Variants in PTPRD observed in about 807,000 individuals in gnomAD.
PTPRD encodes the protein receptor-type tyrosine-protein phosphatase delta.
A neutral mutation model predicts 214.5 loss-of-function variants in PTPRD; 34 were observed. The observed-to-expected ratio is 0.16, with a 90% CI of 0.12 to 0.21. The LOEUF is 0.21. PTPRD is among the 10% of genes least tolerant of loss of function. The pLI is 1.00. For missense variants in PTPRD, 2,545 were observed against 2,398.7 expected, an observed-to-expected ratio of 1.06 and a Z score of -1.27; for synonymous variants, 1,128 against 845.7, an observed-to-expected ratio of 1.33 and a Z score of -5.79.
At chr9:8,785,447 A>G (rs2095905094) in intron 11 of PTPRD, among the ~76,000 whole-genome samples, 1 of 152,188 alleles carries the variant, frequency 6.6e-6, no homozygotes, top group African/African-American at 2.4e-5. Flanking sequence ...AAACCACAAT[A>G]CAAAATCCTG....
chr9:10,000,428 G>C (rs935899516), intron 4 of PTPRD, among the ~76,000 whole-genome samples: 1 of 152,034 alleles, frequency 6.6e-6, no homozygotes, highest in African/African-American at 2.4e-5. Flanking sequence ...ACATGGACAA[G>C]CCATTCTTCC....
chr9:9,538,642 G>A (rs924906473), intron 8 of PTPRD, among the ~76,000 whole-genome samples: 1 of 151,924 alleles, frequency 6.6e-6, no homozygotes, highest in Non-Finnish European at 1.5e-5. Flanking sequence ...AGAATGCATA[G>A]TGATGTATGA....
chr9:9,932,056 C>G (rs1250608003), intron 5 of PTPRD, among the ~76,000 whole-genome samples: 2 of 150,814 alleles, frequency 1.3e-5, no homozygotes, highest in African/African-American at 4.9e-5. Context: ...GAAAGGACAT[C>G]CACACCAAAA....
chr9:9,622,759 T>C (rs2095288671), intron 7 of PTPRD, among the ~76,000 whole-genome samples: 1 of 152,230 alleles, frequency 6.6e-6, no homozygotes, highest in African/African-American at 2.4e-5. Flanking sequence ...AACAATGGCA[T>C]ACATTTTGCA....
chr9:9,721,232 T>G (rs1248290036), intron 7 of PTPRD, among the ~76,000 whole-genome samples: 3 of 152,152 alleles, frequency 2.0e-5, no homozygotes, highest in Non-Finnish European at 2.9e-5. Flanking sequence ...TCAAGACATC[T>G]CAGATTTTAT....
At chr9:8,320,740 T>G (rs551861062) in intron 44 of PTPRD, among the ~76,000 whole-genome samples, 32 of 152,258 alleles carry the variant, frequency 2.1e-4, no homozygotes, top group African/African-American at 7.5e-4. Flanking sequence ...TAGAAAGGTT[T>G]TGAGTTTCTC....
At chr9:9,779,632 A>G (rs1267911660) in intron 5 of PTPRD, among the ~76,000 whole-genome samples, 2 of 152,212 alleles carry the variant, frequency 1.3e-5, no homozygotes, top group Admixed American at 1.3e-4. Flanking sequence ...CATCAGAAAA[A>G]TGCCAATCAA....
intron 9 of PTPRD, among the ~76,000 whole-genome samples, chr9:9,381,595 T>C (rs2062264661): frequency 6.6e-6 from 1 of 152,082 alleles, no homozygotes; most frequent in East Asian, 1.9e-4. Context: ...CTCAGCAACC[T>C]ACCCACCTCG....
At chr9:8,925,217 T>C (rs1441868053) in intron 11 of PTPRD, among the ~76,000 whole-genome samples, 1 of 152,132 alleles carries the variant, frequency 6.6e-6, no homozygotes, top group Non-Finnish European at 1.5e-5. Flanking sequence ...GACTCCAGCC[T>C]GAGCATTTTT....
chr9:8,528,421 C>T (rs1243151011), intron 15 of PTPRD, 170 bp downstream of exon 15: 2 of 676,118 alleles, frequency 3.0e-6, no homozygotes, highest in African/African-American at 1.8e-5. Flanking sequence ...GACTCTGAAA[C>T]AGGCTATGAC....
chr9:9,554,587 G>T (rs974390874), intron 8 of PTPRD, among the ~76,000 whole-genome samples: 1 of 151,862 alleles, frequency 6.6e-6, no homozygotes, highest in African/African-American at 2.4e-5. Flanking sequence ...CACTCCTCTG[G>T]CACCTGAAGA....
intron 10 of PTPRD, among the ~76,000 whole-genome samples, chr9:9,095,843 A>T (rs188284531): frequency 9.7e-4 from 148 of 152,318 alleles, no homozygotes; most frequent in Non-Finnish European, 1.5e-4. Flanking sequence ...CAAGATATGG[A>T]AACAACCTGT....
intron 9 of PTPRD, among the ~76,000 whole-genome samples, chr9:9,292,249 T>A (rs527285795): frequency 6.6e-6 from 1 of 151,338 alleles, no homozygotes; most frequent in Admixed American, 6.6e-5. Context: ...CCAAGTTAAC[T>A]GAAGCATAAC....
At position 10,254,218 on chromosome 9, in the gene PTPRD, A is replaced by G. The variant is rs4741023; in HGVS notation, c.-545+86745T>C. Among the ~76,000 whole-genome samples, 507 of 152,326 alleles carry G rather than the reference A, an allele frequency of 3.3e-3. 8 individuals carry two copies. Among genetic ancestry groups the G allele is most frequent in the East Asian group, 0.032 (164 of 5,182 alleles). ...GATATTTATTGTAAGTTGGCAAATCATCTGTGGGTGCATGCATATAAAAGT... is the reference window on the plus strand; with the variant it reads ...GATATTTATTGTAAGTTGGCAAATCGTCTGTGGGTGCATGCATATAAAAGT... On this transcript the variant is annotated intron_variant, in intron 3 of 45. Transcript: ENST00000381196.
intron 35 of PTPRD, among the ~76,000 whole-genome samples, chr9:8,417,940 G>A (rs534804881): frequency 6.6e-6 from 1 of 152,240 alleles, no homozygotes; most frequent in East Asian, 1.9e-4. Flanking sequence ...GGGGTGATTT[G>A]TTTTTGAATG....
intron 2 of PTPRD, among the ~76,000 whole-genome samples, chr9:10,391,015 C>A (rs1392840243): frequency 6.6e-6 from 1 of 151,802 alleles, no homozygotes; most frequent in Non-Finnish European, 1.5e-5. Flanking sequence ...GAGGAGAACA[C>A]TCACCATGGG....
At chr9:9,325,067 A>C (rs1021528034) in intron 9 of PTPRD, among the ~76,000 whole-genome samples, 10 of 152,054 alleles carry the variant, frequency 6.6e-5, no homozygotes, top group African/African-American at 2.2e-4. Flanking sequence ...GTTTTGGTAC[A>C]AGTACCACGC....
chr9:9,661,331 AAACT>A lies in PTPRD; in HGVS notation c.-287+73198_-287+73201del, dbSNP rs199840542. Among the ~76,000 whole-genome samples the A allele has an allele frequency of 2.8e-3, 424 of 152,090 alleles. 6 individuals carry two copies. Among genetic ancestry groups the A allele is most frequent in the Admixed American group, 0.022 (330 of 15,242 alleles). ...TAACAATCAGTGCTTCAGATGAATT[AAACT>A]AACTGTATATTTTTTTAAATTGCTA... On this transcript the variant is annotated intron_variant, in intron 7 of 45. Coordinates refer to ENST00000381196, the MANE Select transcript of PTPRD (RefSeq NM_002839.4).
intron 3 of PTPRD, among the ~76,000 whole-genome samples, chr9:10,231,389 GA>G (rs543990296): frequency 6.6e-6 from 1 of 151,840 alleles, no homozygotes; most frequent in South Asian, 2.1e-4. Context: ...CACTTAAGTG[GA>G]AAAAAAGTGC....
Sources: gnomAD v4.1 joint callset for allele counts (sites outside exome capture counted in the v4.1 genomes callset) on GRCh38, gnomAD v4.1.1 for gene constraint, MANE v1.5 for transcripts, NCBI Gene and HGNC (gene_info 2026-07-23, HGNC 2026-07-21) for gene names.